USP22: variants seen among roughly 807,000 people sequenced by gnomAD.
The protein encoded by USP22 is ubiquitin specific peptidase 22.
In USP22, 22 loss-of-function variants were observed where a neutral mutation model predicts 68.1. The ratio of observed to expected loss-of-function variants is 0.32; its 90% CI spans 0.23 to 0.46. The LOEUF is 0.46. Among genes scored for constraint, USP22 ranks in the 20% least tolerant of loss-of-function variants. The pLI is 1.00. For missense variants in USP22, 433 were observed against 695.8 expected, an observed-to-expected ratio of 0.62 and a Z score of 4.25; for synonymous variants, 279 against 274.2, an observed-to-expected ratio of 1.02 and a Z score of -0.17.
chr17:21,010,594 G>A (rs1913931898), intron 8 of USP22, among the ~76,000 whole-genome samples: 2 of 150,552 alleles, frequency 1.3e-5, no homozygotes, highest in Non-Finnish European at 2.9e-5. Flanking sequence ...AACCTGAAAG[G>A]CAGAGGCTGC....
At chr17:21,028,044 G>A (rs1299685062) in intron 2 of USP22, among the ~76,000 whole-genome samples, 1 of 152,166 alleles carries the variant, frequency 6.6e-6, no homozygotes, top group Admixed American at 6.5e-5. Context: ...ATTTTGTAAG[G>A]CTGTGAAAGG....
chr17:21,004,579 G>A (rs1913716104), intron 11 of USP22, among the ~76,000 whole-genome samples: 1 of 152,212 alleles, frequency 6.6e-6, no homozygotes. Context: ...CATCTAGTGG[G>A]AGTGGTGACT....
chr17:21,022,363 T>C (rs1243771564), intron 2 of USP22, among the ~76,000 whole-genome samples: 1 of 152,088 alleles, frequency 6.6e-6, no homozygotes, highest in African/African-American at 2.4e-5. Context: ...TTAAAAGTAA[T>C]AATTTGTAAA....
intron 2 of USP22, among the ~76,000 whole-genome samples, chr17:21,022,481 A>T (rs1304877983): frequency 6.6e-6 from 1 of 152,096 alleles, no homozygotes; most frequent in South Asian, 2.1e-4. Context: ...GAAAAAAGGT[A>T]CTCTCTCCAT....
chr17:21,014,915 T>G (rs556351580), intron 6 of USP22, among the ~76,000 whole-genome samples: 1 of 152,212 alleles, frequency 6.6e-6, no homozygotes, highest in African/African-American at 2.4e-5. Flanking sequence ...TGGGAACTGA[T>G]TAAGAGTGAA....
rs1419999484 is a variant in USP22, at chr17:21,021,218, G to C, written c.313C>G (p.Leu105Val). The C allele has an allele frequency of 6.2e-7, 1 of 1,606,150 alleles. No individual in the cohort carries two copies. ...AAACAGTAGATGCCTCCGTACATCA[G>C]ATCAATGGCTGAGGAGAGAAAGGAG... The part of the protein sequence containing the change: ...KAKRHNLAID[L>V]MYGGIYCFLC... Residue 105 changes from leucine to valine, a missense_variant, in exon 3 of 13, where the codon CTG (leucine) becomes GTG (valine). Around this residue, in one of 4 missense-constraint regions of USP22, gnomAD observed 144 missense variants for 237.2 expected, o/e 0.61. Coordinates refer to ENST00000261497, the MANE Select transcript of USP22 (RefSeq NM_015276.2).
At chr17:21,028,709 G>A (rs766502053) in intron 1 of USP22, 35 bp from the exon 2 acceptor site, 2 of 1,608,074 alleles carry the variant, frequency 1.2e-6, no homozygotes, top group Middle Eastern at 1.7e-4. Context: ...TGAACGCTGT[G>A]TGATAAGACA....
intron 5 of USP22, among the ~76,000 whole-genome samples, chr17:21,016,703 T>C (rs888562517): frequency 6.6e-6 from 1 of 152,082 alleles, no homozygotes; most frequent in African/African-American, 2.4e-5. Flanking sequence ...CATGCATCCA[T>C]CCGTATGATG....
chr17:21,043,062 C>G (rs1196331524), upstream of USP22: 8 of 227,610 alleles, frequency 3.5e-5, no homozygotes, highest in East Asian at 2.3e-4. Flanking sequence ...GCGCTGCGCT[C>G]TCGCGGTTCG....
chr17:21,020,176 G>A (rs11658178), intron 3 of USP22, among the ~76,000 whole-genome samples: 25,270 of 135,504 alleles, frequency 0.19, 2,679 homozygotes, highest in South Asian at 0.28. Context: ...GTCAACTGGG[G>A]TAAACCACAC....
chr17:21,021,239 AGGAG>A lies in USP22; in HGVS notation c.305-17_305-14del. On this transcript the variant is annotated splice_polypyrimidine_tract_variant and intron_variant, in intron 2 of 12. Transcript: ENST00000261497. ...ATCAGATCAATGGCTGAGGAGAGAA[AGGAG>A]GGAGGAGAAACCAAGTTGAATTAAA... is the stretch of plus-strand genomic sequence containing the variant. The A allele has an allele frequency of 6.3e-7, 1 of 1,576,152 alleles. No homozygotes were observed. The highest frequency in any genetic ancestry group is 1.1e-5 in the South Asian group (1 of 90,152).
intron 1 of USP22, among the ~76,000 whole-genome samples, chr17:21,029,365 AG>A (rs1972260897): frequency 6.6e-6 from 1 of 152,252 alleles, no homozygotes; most frequent in African/African-American, 2.4e-5. Flanking sequence ...GAGTTTTAAA[AG>A]AATCCGTAAG....
In USP22 at chr17:21,042,817, G is replaced by T; in HGVS notation, c.19C>A (p.Pro7Thr). The T allele has an allele frequency of 7.0e-7, 1 of 1,434,268 alleles. No homozygotes were observed. Among genetic ancestry groups the T allele is most frequent in the Admixed American group, 2.4e-5 (1 of 41,748 alleles). The allele number at this position is 1,434,268 out of a possible 1,614,324, so 88.8% of individuals were successfully genotyped here. Residue 7 changes from proline (P) to threonine (T), a missense_variant, in exon 1 of 13, where the codon CCC becomes ACC. Pro to Thr is a conservative substitution (Grantham distance 38, BLOSUM62 -1). Coordinates refer to ENST00000261497, the MANE Select transcript of USP22 (RefSeq NM_015276.2). ...TCGGCGTCCATGGCCTCGCCCTCGG[G>T]CTCTGGCCGGGACACCATGGGGGGC... is the stretch of plus-strand genomic sequence containing the variant. Reference protein sequence around the residue: MVSRPEPEGEAMDAELA... With the variant: MVSRPETEGEAMDAELA...
At chr17:21,003,615 ATGTGGGCCGGGCCCGG>A (rs1913670656) in intron 12 of USP22, among the ~76,000 whole-genome samples, 1 of 152,128 alleles carries the variant, frequency 6.6e-6, no homozygotes, top group African/African-American at 2.4e-5. Context: ...TAAAGAACTG[ATGTGGGCCGGGCCCGG>A]TGGCTCATGC....
chr17:21,020,834 CTTGGCCCAGCTGCAGGCCCATG>C (rs1474547156), intron 3 of USP22, among the ~76,000 whole-genome samples: 1 of 152,146 alleles, frequency 6.6e-6, no homozygotes, highest in African/African-American at 2.4e-5. Context: ...GGGTTGTTCC[CTTGGCCCAGCTGCAGGCCCATG>C]GGGGACCTGC....
At chr17:21,033,149 C>A (rs1292220343) in intron 1 of USP22, among the ~76,000 whole-genome samples, 3 of 152,040 alleles carry the variant, frequency 2.0e-5, no homozygotes, top group Non-Finnish European at 2.9e-5. Flanking sequence ...GTGGCTCCTG[C>A]AGAGGCAGGA....
In USP22 at chr17:21,000,666, G is replaced by C. The variant is rs1406742610; in HGVS notation, c.*2365C>G. On this transcript the variant is annotated 3_prime_UTR_variant, in exon 13 of 13. Coordinates refer to ENST00000261497, the MANE Select transcript of USP22 (RefSeq NM_015276.2). ...CCGCAAGACACCCCAGTAAACTGGG[G>C]CGTCCCAAGGTGGCAAGCCTTCATG... 3.3e-5 allele frequency: 5 copies of C among 151,462 alleles called. No individual in the cohort carries two copies. Among genetic ancestry groups the C allele is most frequent in the Admixed American group, 6.6e-5 (1 of 15,198 alleles). 9.4% of individuals were successfully genotyped at this position (151,462 alleles called of 1,614,324 possible).
intron 1 of USP22, 141 bp from the exon 2 acceptor site, chr17:21,028,815 G>A: frequency 9.0e-7 from 1 of 1,110,874 alleles, no homozygotes; most frequent in Non-Finnish European, 1.2e-6. Context: ...TACTACTCTA[G>A]AGGATCAGTT....
intron 8 of USP22, among the ~76,000 whole-genome samples, chr17:21,009,934 T>A (rs1567791046): frequency 6.9e-6 from 1 of 145,030 alleles, no homozygotes; most frequent in Non-Finnish European, 1.5e-5. Context: ...CAGCCTGCAC[T>A]CTAGAAAGAG....
Sources: allele counts gnomAD v4.1 joint callset (sites outside exome capture counted in the v4.1 genomes callset), GRCh38; gene constraint gnomAD v4.1.1; regional missense constraint gnomAD v4.1.1; transcripts MANE v1.5; gene names NCBI Gene and HGNC (gene_info 2026-07-23, HGNC 2026-07-21).